MPP2: variants seen among roughly 807,000 people sequenced by gnomAD.
MPP2 encodes the protein MAGUK p55 scaffold protein 2.
A neutral mutation model predicts 58.5 loss-of-function variants in MPP2; 42 were observed. The observed-to-expected ratio is 0.72, with a 90% CI of 0.56 to 0.93. The LOEUF is 0.93. Ranked by LOEUF, MPP2 falls within the 40% of genes least tolerant of loss-of-function variation. MPP2 has a pLI of 0.00. For missense variants in MPP2, 632 were observed against 760.4 expected (o/e 0.83, Z 1.99); for synonymous variants, 300 against 307.8 (o/e 0.97, Z 0.26).
intron 2 of MPP2, 31 bp from the exon 3 acceptor site, chr17:43,898,411 A>AGCT: frequency 6.6e-7 from 1 of 1,522,708 alleles, no homozygotes; most frequent in Non-Finnish European, 9.1e-7. Context: ...TGAGATACAC[A>AGCT]GGTACCAGCT....
At position 43,876,477 on chromosome 17, in the gene MPP2, G is replaced by C. The variant is rs1170021025; in HGVS notation, c.*1330C>G. ...TGGCAGGGGGGCATTTAGGGTAGGG[G>C]GACAATAAGACAAGGGAGGAGACAT... On this transcript the variant is annotated 3_prime_UTR_variant, in exon 13 of 13. Transcript: ENST00000269095. 6.6e-6 allele frequency: 1 copy of C among 152,250 alleles called. No individual in the cohort carries two copies. Among genetic ancestry groups the C allele is most frequent in the Non-Finnish European group, 1.5e-5 (1 of 68,086 alleles). 9.4% of individuals were successfully genotyped at this position (152,250 alleles called of 1,614,324 possible).
intron 3 of MPP2, among the ~76,000 whole-genome samples, chr17:43,894,401 G>C (rs2047735136): frequency 7.7e-6 from 1 of 130,698 alleles, no homozygotes; most frequent in Non-Finnish European, 1.6e-5. Flanking sequence ...CAGTGACAGA[G>C]TGAGATTCCA....
At chr17:43,907,585 A>G, upstream of MPP2, 1 of 985,438 alleles carries the variant, frequency 1.0e-6, no homozygotes, top group South Asian at 4.7e-5. Flanking sequence ...CCTCTCCGCG[A>G]GGGGGCGGAG....
At chr17:43,897,660 CTCTT>C (rs1004524036) in intron 3 of MPP2, among the ~76,000 whole-genome samples, 1 of 152,148 alleles carries the variant, frequency 6.6e-6, no homozygotes, top group African/African-American at 2.4e-5. Flanking sequence ...ACACTCCTGA[CTCTT>C]TCTTACCTCT....
In MPP2 at chr17:43,877,834, C is replaced by T. The variant is rs199843969; in HGVS notation, c.1632G>A (p.Gln544=). 15 of 1,614,002 alleles carry T rather than the reference C, an allele frequency of 9.3e-6. No individual in the cohort carries two copies. In the East Asian group the frequency reaches 2.5e-4, roughly 26 times the overall value. The change falls in exon 13 of 13, where the codon CAG becomes CAA. Residue 544 remains glutamine, a synonymous_variant. Transcript: ENST00000269095. ...TAMEKLRTEP[Q]WVPVSWVY ...AGTACACCCAGCTGACAGGCACCCA[C>T]TGGGGCTCTGTCCGTAGCTTCTCCA...
At chr17:43,904,642 A>G in intron 1 of MPP2, 149 bp from the exon 2 acceptor site, 3 of 625,912 alleles carry the variant, frequency 4.8e-6, no homozygotes, top group Admixed American at 2.6e-5. Context: ...AATGATTCCA[A>G]CGGTCCTGGG....
intron 3 of MPP2, among the ~76,000 whole-genome samples, chr17:43,893,952 A>G (rs1434427248): frequency 6.6e-6 from 1 of 152,068 alleles, no homozygotes; most frequent in Non-Finnish European, 1.5e-5. Context: ...AGCACCTTAC[A>G]CTATCATTTC....
intron 2 of MPP2, chr17:43,900,439 G>T (rs1323820617): frequency 1.3e-6 from 2 of 1,541,354 alleles, no homozygotes; most frequent in South Asian, 2.4e-5. Context: ...GGGGCCAGCT[G>T]CCCCGCCCCC....
intron 1 of MPP2, among the ~76,000 whole-genome samples, chr17:43,906,977 A>C (rs1213663139): frequency 1.3e-5 from 2 of 151,756 alleles, no homozygotes; most frequent in East Asian, 3.9e-4. Context: ...ACAGCTTGGG[A>C]AGCGGGAGAA....
chr17:43,907,777 G>C (rs1256335353), upstream of MPP2: 31 of 985,378 alleles, frequency 3.1e-5, no homozygotes, highest in Non-Finnish European at 3.5e-5. Flanking sequence ...ACCAGTACCC[G>C]CTGGTGCCCC....
intron 3 of MPP2, among the ~76,000 whole-genome samples, chr17:43,894,342 A>G (rs1597794446): frequency 6.7e-6 from 1 of 149,090 alleles, no homozygotes; most frequent in African/African-American, 2.4e-5. Context: ...GCTTGAACCC[A>G]GGAGGCGGAG....
At chr17:43,898,642 C>A (rs541053945) in intron 2 of MPP2, among the ~76,000 whole-genome samples, 10 of 152,304 alleles carry the variant, frequency 6.6e-5, no homozygotes, top group African/African-American at 2.4e-4. Flanking sequence ...AGGCTCCAGG[C>A]AGCTGGAAGA....
rs1169371007 is a variant in MPP2 at position 43,877,837 on chromosome 17, G to A, written c.1629C>T (p.Pro543=). ...ACACCCAGCTGACAGGCACCCACTG[G>A]GGCTCTGTCCGTAGCTTCTCCATGG... ...QTAMEKLRTE[P]QWVPVSWVY is the part of the protein sequence containing the mutation. Residue 543 remains proline, a synonymous_variant, in exon 13 of 13, where the codon CCC becomes CCT. Transcript: ENST00000269095. The A allele has an allele frequency of 1.9e-6, 3 of 1,613,972 alleles. No homozygotes were observed. In the East Asian group the frequency reaches 6.7e-5, roughly 36 times the overall value.
chr17:43,899,742 T>C (rs112266641), intron 2 of MPP2, among the ~76,000 whole-genome samples: 17 of 151,600 alleles, frequency 1.1e-4, no homozygotes, highest in African/African-American at 1.7e-4. Context: ...TGGGACATAA[T>C]GGAGGACACG....
chr17:43,904,133 C>T (rs1172623642), intron 2 of MPP2, among the ~76,000 whole-genome samples: 1 of 152,226 alleles, frequency 6.6e-6, no homozygotes, highest in East Asian at 1.9e-4. Flanking sequence ...TGCCCTCCAG[C>T]AATAGTACGG....
chr17:43,895,553 C>T (rs1418129057), intron 3 of MPP2, among the ~76,000 whole-genome samples: 1 of 152,112 alleles, frequency 6.6e-6, no homozygotes, highest in Non-Finnish European at 1.5e-5. Flanking sequence ...TCAGTGAGCA[C>T]CTACTATGTG....
At chr17:43,907,311 A>C in intron 1 of MPP2, 163 bp downstream of exon 1, 2 of 863,348 alleles carry the variant, frequency 2.3e-6, no homozygotes, top group Non-Finnish European at 2.8e-6. Flanking sequence ...CCCCAGAAAG[A>C]GGGCCCAGGG....
rs1418087202 is a variant in MPP2 at position 43,907,484 on chromosome 17, G to T, written c.-44C>A. ...CCGGGGGACGCCTACCTGCGCCCCG[G>T]GAAGCCCCTAGCTCCGGGCGGCTCC... On this transcript the variant is annotated 5_prime_UTR_variant, in exon 1 of 13. Coordinates refer to ENST00000269095, the MANE Select transcript of MPP2 (RefSeq NM_005374.5). 86 of 985,440 alleles carry T rather than the reference G, an allele frequency of 8.7e-5. No individual in the cohort carries two copies. Among genetic ancestry groups the T allele is most frequent in the Non-Finnish European group, 9.6e-5 (80 of 830,010 alleles). The allele number at this position is 985,440 out of a possible 1,614,324, so 61.0% of individuals were successfully genotyped here. A position where few individuals can be genotyped will look rare whatever the true frequency, so the allele number is the denominator to read the frequency against.
intron 5 of MPP2, 86 bp downstream of exon 5, chr17:43,882,817 A>C (rs1200577367): frequency 1.3e-6 from 2 of 1,579,902 alleles, no homozygotes; most frequent in East Asian, 4.5e-5. Flanking sequence ...TCTTCAGACC[A>C]CACTTGGCCT....
Sources: allele counts gnomAD v4.1 joint callset (sites outside exome capture counted in the v4.1 genomes callset), GRCh38; gene constraint gnomAD v4.1.1; transcripts MANE v1.5; gene names NCBI Gene and HGNC (gene_info 2026-07-23, HGNC 2026-07-21).